PCDH11X: variants seen among roughly 807,000 people sequenced by gnomAD.
PCDH11X encodes protocadherin 11 X-linked.
PCDH11X carries 18 observed loss-of-function variants against 53.3 expected under a neutral mutation model. The ratio of observed to expected loss-of-function variants is 0.34; its 90% confidence interval spans 0.23 to 0.50. The LOEUF (loss-of-function observed/expected upper bound fraction) is 0.50. Among genes scored for constraint, PCDH11X ranks in the 20% least tolerant of loss-of-function variants. The pLI is 0.98. For missense variants in PCDH11X, 570 were observed against 1,032.4 expected, an observed-to-expected ratio of 0.55 and a Z score of 6.14; for synonymous variants, 279 against 393.3, an observed-to-expected ratio of 0.71 and a Z score of 3.44.
rs184581083 is a variant in PCDH11X at position 92,351,287 on chromosome X, G to A, written c.3145-36448G>A. Among the ~76,000 whole-genome samples, 5 of 111,385 alleles carry A rather than the reference G, an allele frequency of 4.5e-5. No individual in the cohort carries two copies. The East Asian group carries it at 1.1e-3, about 25-fold the overall frequency. ...TAGGTTCACAAATAAATCATTCTACGTCTCTTTGCTTTCAGAATAAGTCAT... is the reference window on the plus strand; with the variant it reads ...TAGGTTCACAAATAAATCATTCTACATCTCTTTGCTTTCAGAATAAGTCAT... On this transcript the variant is annotated intron_variant, in intron 8 of 10. Coordinates refer to ENST00000682573, the MANE Select transcript of PCDH11X (RefSeq NM_032968.5).
At chrX:92,608,384 A>G (rs2148814589) in intron 10 of PCDH11X, among the ~76,000 whole-genome samples, 1 of 105,407 alleles carries the variant, frequency 9.5e-6, no homozygotes, top group Admixed American at 1.0e-4. Flanking sequence ...TTCTCTTAAT[A>G]CCATGCACCT....
intron 9 of PCDH11X, among the ~76,000 whole-genome samples, chrX:92,438,451 C>T (rs1332420163): frequency 8.1e-5 from 9 of 110,869 alleles, no homozygotes; most frequent in Non-Finnish European, 1.3e-4. Flanking sequence ...GATACCTTGG[C>T]ATACTGAATA....
At chrX:91,911,876 G>A in intron 6 of PCDH11X, among the ~76,000 whole-genome samples, 1 of 110,642 alleles carries the variant, frequency 9.0e-6, no homozygotes, top group Non-Finnish European at 1.9e-5. Context: ...TCTATGGGTG[G>A]TATGGACATT....
At chrX:92,110,779 C>T (rs1328230718) in intron 6 of PCDH11X, among the ~76,000 whole-genome samples, 1 of 110,611 alleles carries the variant, frequency 9.0e-6, no homozygotes, top group Non-Finnish European at 1.9e-5. Context: ...CATCGAGGAA[C>T]CAAAAGGGGG....
chrX:92,102,024 C>G (rs2148137408), intron 6 of PCDH11X, among the ~76,000 whole-genome samples: 1 of 111,211 alleles, frequency 9.0e-6, no homozygotes, highest in South Asian at 3.8e-4. Context: ...GGGTGAGGAA[C>G]AGGAAAGAAG....
chrX:92,484,209 A>ATATATATG lies in PCDH11X; in HGVS notation c.3367+15925_3367+15932dup, dbSNP rs1272455500. Among the ~76,000 whole-genome samples, 622 of 73,075 alleles carry ATATATATG rather than the reference A, an allele frequency of 8.5e-3. 3 individuals are homozygous for ATATATATG. The highest frequency in any genetic ancestry group is 0.011 in the Non-Finnish European group (495 of 43,178). The allele number at this position is 73,075 out of a possible 115,157, so 63.5% of individuals were successfully genotyped here. On this transcript the variant is annotated intron_variant, in intron 10 of 10. Coordinates refer to ENST00000682573, the MANE Select transcript of PCDH11X (RefSeq NM_032968.5). ...TATATATGTATATATGTATATATGT[A>ATATATATG]TATATATGTATATATGTATATATGT...
chrX:91,958,961 G>T (rs2061747534), intron 6 of PCDH11X, among the ~76,000 whole-genome samples: 1 of 103,788 alleles, frequency 9.6e-6, no homozygotes, highest in Admixed American at 1.1e-4. Flanking sequence ...ATGCTAATAA[G>T]ACAGACCTCA....
intron 7 of PCDH11X, among the ~76,000 whole-genome samples, chrX:92,205,755 C>G (rs1261834699): frequency 1.8e-5 from 2 of 110,049 alleles, no homozygotes. Context: ...TGCCTGCCAC[C>G]ATGTCCAGCT....
intron 6 of PCDH11X, among the ~76,000 whole-genome samples, chrX:92,030,419 G>T (rs1027456922): frequency 1.8e-5 from 2 of 108,322 alleles, no homozygotes; most frequent in Admixed American, 1.0e-4. Flanking sequence ...TTTGATACAG[G>T]TGTGCAATGC....
chrX:92,483,457 CG>C (rs1277022819), intron 10 of PCDH11X, among the ~76,000 whole-genome samples: 1 of 77,751 alleles, frequency 1.3e-5, no homozygotes, highest in Non-Finnish European at 2.5e-5. Context: ...TAATGTTCCT[CG>C]TGTTGTCACT....
At chrX:92,209,862 C>A (rs1329945519) in intron 7 of PCDH11X, among the ~76,000 whole-genome samples, 1 of 112,430 alleles carries the variant, frequency 8.9e-6, no homozygotes, top group East Asian at 2.8e-4. Context: ...GGCTCCCAAG[C>A]CTCACCTCTT....
intron 6 of PCDH11X, among the ~76,000 whole-genome samples, chrX:91,960,484 G>C (rs1444947435): frequency 9.1e-6 from 1 of 110,373 alleles, no homozygotes; most frequent in Non-Finnish European, 1.9e-5. Context: ...GAGTGCAGTG[G>C]CGCAATCTCA....
At chrX:92,301,748 G>T (rs1411131001) in intron 8 of PCDH11X, among the ~76,000 whole-genome samples, 7 of 104,924 alleles carry the variant, frequency 6.7e-5, no homozygotes, top group Non-Finnish European at 1.4e-4. Context: ...TGTTGTCTTT[G>T]CCTGGTTCTG....
chrX:92,070,990 A>G (rs1280440841), intron 6 of PCDH11X, among the ~76,000 whole-genome samples: 9 of 108,643 alleles, frequency 8.3e-5, no homozygotes, highest in Non-Finnish European at 1.1e-4. Context: ...TATTTTTAGT[A>G]AAGATGGGGT....
intron 6 of PCDH11X, among the ~76,000 whole-genome samples, chrX:91,893,917 G>A (rs1054801424): frequency 9.0e-6 from 1 of 111,062 alleles, no homozygotes; most frequent in Non-Finnish European, 1.9e-5. Context: ...GAAATAGAAC[G>A]GATAAAAATA....
At chrX:92,066,933 T>G (rs201365725) in intron 6 of PCDH11X, among the ~76,000 whole-genome samples, 1 of 111,342 alleles carries the variant, frequency 9.0e-6, no homozygotes, top group East Asian at 2.9e-4. Context: ...GTGAAACCCC[T>G]TCTCTACTAA....
chrX:92,276,976 C>T (rs1273605610), intron 8 of PCDH11X, among the ~76,000 whole-genome samples: 7 of 111,180 alleles, frequency 6.3e-5, no homozygotes, highest in Non-Finnish European at 1.3e-4. Context: ...GAGTAAATTG[C>T]TGGGCAGGTG....
intron 8 of PCDH11X, among the ~76,000 whole-genome samples, chrX:92,267,463 T>C (rs2067858546): frequency 8.9e-6 from 1 of 112,554 alleles, no homozygotes; most frequent in Non-Finnish European, 1.9e-5. Context: ...AGCCATTCTC[T>C]GTCATTGGCC....
At chrX:91,840,678 C>T in intron 5 of PCDH11X, among the ~76,000 whole-genome samples, 1 of 111,059 alleles carries the variant, frequency 9.0e-6, no homozygotes, top group Non-Finnish European at 1.9e-5. Context: ...AAGAATGAGA[C>T]ATCAAATAAT....
Sources: allele counts gnomAD v4.1 joint callset (sites outside exome capture counted in the v4.1 genomes callset), GRCh38; gene constraint gnomAD v4.1.1; transcripts MANE v1.5; gene names NCBI Gene and HGNC (gene_info 2026-07-23, HGNC 2026-07-21).